Variants in CRACDL observed in about 807,000 individuals in gnomAD.
CRACDL encodes CRACD-like protein.
A neutral mutation model predicts 70.6 loss-of-function variants in CRACDL; 26 were observed. The observed-to-expected ratio is 0.37, with a 90% CI of 0.27 to 0.51. CRACDL has a LOEUF of 0.51. Among genes scored for constraint, CRACDL ranks in the 20% least tolerant of loss-of-function variants. The pLI, the probability that CRACDL is intolerant of heterozygous loss-of-function variation, is 0.94. For synonymous variants in CRACDL, 618 were observed against 615.2 expected (o/e 1.00, Z -0.07); for missense variants, 1,283 against 1,376.9 (o/e 0.93, Z 1.08).
intron 1 of CRACDL, chr2:98,897,429 T>A (rs920400510): frequency 7.7e-7 from 1 of 1,301,252 alleles, no homozygotes; most frequent in Non-Finnish European, 1.0e-6. Context: ...GGTGTCCTTA[T>A]CTCAGCATAC....
chr2:98,896,474 G>A (rs573033678), intron 1 of CRACDL, among the ~76,000 whole-genome samples: 2 of 152,288 alleles, frequency 1.3e-5, no homozygotes, highest in East Asian at 1.9e-4. Flanking sequence ...ACCCAAACCT[G>A]TGCCCTACAT....
chr2:98,933,421 TG>T (rs1171030464), intron 1 of CRACDL, among the ~76,000 whole-genome samples: 1 of 152,154 alleles, frequency 6.6e-6, no homozygotes, highest in East Asian at 1.9e-4. Flanking sequence ...AAATAGTGAC[TG>T]AAATAATACC....
chr2:98,797,068 G>T (rs150549745), intron 8 of CRACDL, among the ~76,000 whole-genome samples: 4,552 of 152,340 alleles, frequency 0.03, 88 homozygotes, highest in Middle Eastern at 0.065. Context: ...AGGAGGCAGG[G>T]AGTAGAGAGC....
chr2:98,816,870 C>G (rs1258121880), intron 7 of CRACDL, among the ~76,000 whole-genome samples: 7 of 152,162 alleles, frequency 4.6e-5, no homozygotes, highest in African/African-American at 1.7e-4. Flanking sequence ...CCCAAAATAA[C>G]TGAAATCGGA....
At chr2:98,878,009 C>A (rs966415954) in intron 1 of CRACDL, among the ~76,000 whole-genome samples, 1 of 149,898 alleles carries the variant, frequency 6.7e-6, no homozygotes, top group Non-Finnish European at 1.5e-5. Flanking sequence ...TGAAGTGGCA[C>A]GATCTTGGCT....
chr2:98,814,236 C>T (rs923783905), intron 7 of CRACDL, among the ~76,000 whole-genome samples: 1 of 151,456 alleles, frequency 6.6e-6, no homozygotes, highest in Non-Finnish European at 1.5e-5. Context: ...TTTTCTAGTT[C>T]CTTAAAGTGG....
chr2:98,895,528 C>T (rs1370568071), intron 1 of CRACDL, among the ~76,000 whole-genome samples: 2 of 152,126 alleles, frequency 1.3e-5, no homozygotes, highest in Non-Finnish European at 2.9e-5. Flanking sequence ...ACATAACCTG[C>T]TCAAGGCCCT....
At position 98,794,559 on chromosome 2, in the gene CRACDL, C is replaced by G; in HGVS notation, c.2862G>C (p.Trp954Cys). ...MELARKKSQA[W>C]SDMPQIIK is the part of the protein sequence containing the mutation. ...ATTTTATAATCTGGGGCATGTCACT[C>G]CAAGCTTGAGATTTCTTTCTGGCAA... Residue 954 changes from tryptophan (W) to cysteine (C), a missense_variant, in exon 10 of 10, where the codon TGG (tryptophan) becomes TGC (cysteine). Trp to Cys is a radical substitution (Grantham distance 215). Coordinates refer to ENST00000397899, the MANE Select transcript of CRACDL (RefSeq NM_207362.3). 1 of 1,614,046 alleles carries G rather than the reference C, an allele frequency of 6.2e-7. No individual in the cohort carries two copies. The highest frequency in any genetic ancestry group is 8.5e-7 in the Non-Finnish European group (1 of 1,179,942).
intron 5 of CRACDL, among the ~76,000 whole-genome samples, chr2:98,829,521 G>C (rs1348832759): frequency 6.6e-6 from 1 of 152,180 alleles, no homozygotes; most frequent in Non-Finnish European, 1.5e-5. Flanking sequence ...CTGGGAAGCT[G>C]GCTTCATGGG....
At chr2:98,801,848 T>C (rs1172169769) in intron 7 of CRACDL, among the ~76,000 whole-genome samples, 2 of 152,262 alleles carry the variant, frequency 1.3e-5, no homozygotes, top group East Asian at 3.8e-4. Context: ...CCACAATTGC[T>C]GCTGTTGTTA....
intron 1 of CRACDL, among the ~76,000 whole-genome samples, chr2:98,879,883 G>A (rs1174073692): frequency 1.3e-5 from 2 of 152,312 alleles, no homozygotes; most frequent in East Asian, 1.9e-4. Context: ...AAAAAGCAGC[G>A]AAGCCTCAAT....
chr2:98,913,840 C>T (rs1055002443), intron 1 of CRACDL, among the ~76,000 whole-genome samples: 5 of 152,360 alleles, frequency 3.3e-5, no homozygotes, highest in East Asian at 1.9e-4. Context: ...TGTGAGAGCC[C>T]TGGCAAGGCA....
chr2:98,825,074 G>T (rs1208257432), intron 6 of CRACDL, among the ~76,000 whole-genome samples: 1 of 151,922 alleles, frequency 6.6e-6, no homozygotes, highest in African/African-American at 2.4e-5. Flanking sequence ...GCATCTGAAA[G>T]CACCTTGATC....
At chr2:98,929,295 G>A (rs1308478227) in intron 1 of CRACDL, among the ~76,000 whole-genome samples, 2 of 152,304 alleles carry the variant, frequency 1.3e-5, no homozygotes, top group South Asian at 2.1e-4. Context: ...GAGAGAACCC[G>A]AGAGCCACGG....
At position 98,838,099 on chromosome 2, in the gene CRACDL, G is replaced by C; in HGVS notation, c.239+20C>G. ...TGTATTTAGGTGCTCCTGGCCCGAGGGATGTAAAATGCAACTTACTCCAGC... is the reference window on the plus strand; with the variant it reads ...TGTATTTAGGTGCTCCTGGCCCGAGCGATGTAAAATGCAACTTACTCCAGC... On this transcript the variant is annotated intron_variant, in intron 3 of 9. Transcript: ENST00000397899. 6.3e-7 allele frequency: 1 copy of C among 1,585,560 alleles called. No individual in the cohort carries two copies. Among genetic ancestry groups the C allele is most frequent in the Non-Finnish European group, 8.6e-7 (1 of 1,167,516 alleles).
intron 5 of CRACDL, among the ~76,000 whole-genome samples, chr2:98,830,989 A>G (rs1277481927): frequency 2.0e-5 from 3 of 152,166 alleles, no homozygotes. Flanking sequence ...GAAATACACT[A>G]AGTCACATCT....
intron 1 of CRACDL, among the ~76,000 whole-genome samples, chr2:98,850,041 A>T (rs1023524144): frequency 6.6e-6 from 1 of 152,208 alleles, no homozygotes; most frequent in African/African-American, 2.4e-5. Context: ...GATACTGTTT[A>T]TGGACAAAGG....
intron 1 of CRACDL, among the ~76,000 whole-genome samples, chr2:98,870,959 G>A (rs1283832695): frequency 1.3e-5 from 2 of 152,254 alleles, no homozygotes; most frequent in Non-Finnish European, 2.9e-5. Context: ...GTCACATCGT[G>A]TGAATGCCCA....
chr2:98,850,812 C>G (rs950413696), intron 1 of CRACDL, among the ~76,000 whole-genome samples: 1 of 152,172 alleles, frequency 6.6e-6, no homozygotes, highest in African/African-American at 2.4e-5. Context: ...TGGGGGCCGC[C>G]CCACTCCCTC....
Sources: gnomAD v4.1 joint callset for allele counts (sites outside exome capture counted in the v4.1 genomes callset) on GRCh38, gnomAD v4.1.1 for gene constraint, MANE v1.5 for transcripts, NCBI Gene and HGNC (gene_info 2026-07-23, HGNC 2026-07-21) for gene names.